DNAH6: variants seen among roughly 807,000 people sequenced by gnomAD.
The protein encoded by DNAH6 is dynein axonemal heavy chain 6, also known as axonemal beta dynein heavy chain 6.
Under a neutral mutation model 491.4 loss-of-function variants are expected in DNAH6, and 340 were observed. That is an observed-to-expected ratio of 0.69 (90% CI 0.63 to 0.76). DNAH6 has a LOEUF of 0.76. Ranked by LOEUF, DNAH6 falls within the 30% of genes least tolerant of loss-of-function variation. The pLI, the probability that DNAH6 is intolerant of heterozygous loss-of-function variation, is 0.00. For synonymous variants in DNAH6, 1,603 were observed against 1,686.1 expected (o/e 0.95, Z 1.21); for missense variants, 4,443 against 4,972.2 (o/e 0.89, Z 3.20).
intron 70 of DNAH6, 142 bp from the exon 71 acceptor site, chr2:84,805,523 T>G: frequency 1.4e-6 from 1 of 718,060 alleles, no homozygotes. Context: ...ATGTTAATTG[T>G]TCTTACCACA....
At chr2:84,493,428 G>T in the DNAH6 span, among the ~76,000 whole-genome samples, 1 of 152,052 alleles carries the variant, frequency 6.6e-6, no homozygotes, top group Non-Finnish European at 1.5e-5. Flanking sequence ...TCATAGTTTA[G>T]ATACTATATT....
the DNAH6 span, among the ~76,000 whole-genome samples, chr2:84,472,286 C>T: frequency 6.6e-6 from 1 of 151,630 alleles, no homozygotes; most frequent in Admixed American, 6.6e-5. Context: ...TATGGATTAC[C>T]CATAGTATGG....
At chr2:84,806,401 C>G (rs1479691312) in intron 71 of DNAH6, among the ~76,000 whole-genome samples, 6 of 152,118 alleles carry the variant, frequency 3.9e-5, no homozygotes, top group Non-Finnish European at 7.4e-5. Flanking sequence ...AGGCGGATCA[C>G]AAGGTCAGGA....
Position 84,688,421 on chromosome 2 carries a change from T to C in DNAH6, c.7138-18T>C. The C allele has an allele frequency of 6.8e-7, 1 of 1,474,508 alleles. No individual in the cohort carries two copies. Among genetic ancestry groups the C allele is most frequent in the Admixed American group, 3.2e-5 (1 of 31,580 alleles). 91.3% of individuals were successfully genotyped at this position (1,474,508 alleles called of 1,614,324 possible). On this transcript the variant is annotated intron_variant, in intron 44 of 76. Coordinates refer to ENST00000389394, the MANE Select transcript of DNAH6 (RefSeq NM_001370.2). ...TATCAGAATTGATCCAACTTGGTTC[T>C]TCTCCCATAAATTATAGTTTGGAGC...
chr2:84,534,930 GAAAT>G (rs930499919), intron 4 of DNAH6, among the ~76,000 whole-genome samples: 10 of 151,870 alleles, frequency 6.6e-5, no homozygotes, highest in Non-Finnish European at 1.2e-4. Flanking sequence ...TTTAGCATTA[GAAAT>G]AACATTTCTT....
At chr2:84,716,932 G>GT (rs1697591306) in intron 58 of DNAH6, among the ~76,000 whole-genome samples, 2 of 152,204 alleles carry the variant, frequency 1.3e-5, no homozygotes, top group African/African-American at 2.4e-5. Context: ...CCTCTGCTCT[G>GT]CTGAGCTCCT....
At chr2:84,605,742 T>C (rs1685695922) in intron 20 of DNAH6, 150 bp downstream of exon 20, 1 of 583,440 alleles carries the variant, frequency 1.7e-6, no homozygotes. Context: ...ATGCAAATAA[T>C]TGACGTGAAT....
chr2:84,556,110 C>T (rs1468605802), intron 10 of DNAH6, among the ~76,000 whole-genome samples: 1 of 152,186 alleles, frequency 6.6e-6, no homozygotes, highest in Non-Finnish European at 1.5e-5. Flanking sequence ...TGTTGATAAG[C>T]ATTCCAGGAG....
rs906649885 is a variant in DNAH6, at chr2:84,811,640, C to T, written c.11740-701C>T. On this transcript the variant is annotated intron_variant, in intron 72 of 76. Coordinates refer to ENST00000389394, the MANE Select transcript of DNAH6 (RefSeq NM_001370.2). ...TGTTGGGAGGCTAAGGTGGGCAGATCTCCTAAGGTCAGGAGTTCGAGACCA... is the reference window on the plus strand; with the variant it reads ...TGTTGGGAGGCTAAGGTGGGCAGATTTCCTAAGGTCAGGAGTTCGAGACCA... 5.3e-4 allele frequency among the ~76,000 whole-genome samples: 81 copies of T among 152,128 alleles called. 1 individual carries two copies. Among genetic ancestry groups the T allele is most frequent in the African/African-American group, 1.8e-3 (74 of 41,428 alleles).
chr2:84,570,838 C>T (rs1015938662), intron 11 of DNAH6, among the ~76,000 whole-genome samples: 1 of 152,216 alleles, frequency 6.6e-6, no homozygotes, highest in African/African-American at 2.4e-5. Context: ...GTTGCTGCTG[C>T]TCACTCTTGG....
chr2:84,463,555 G>A, the DNAH6 span, among the ~76,000 whole-genome samples: 4 of 152,104 alleles, frequency 2.6e-5, no homozygotes, highest in Non-Finnish European at 4.4e-5. Flanking sequence ...CTTCCAGAGC[G>A]TTTTTTGTGT....
chr2:84,613,137 G>A (rs1686493790), intron 22 of DNAH6, among the ~76,000 whole-genome samples: 2 of 151,180 alleles, frequency 1.3e-5, no homozygotes, highest in Admixed American at 1.3e-4. Context: ...TGGTGAGAGA[G>A]AGAGAGAGTG....
In DNAH6 at chr2:84,717,226, T is replaced by C. The variant is rs547191342; in HGVS notation, c.9612-978T>C. Among the ~76,000 whole-genome samples, 3 of 152,342 alleles carry C rather than the reference T, an allele frequency of 2.0e-5. No individual in the cohort carries two copies. In the South Asian group the frequency reaches 6.2e-4, roughly 32 times the overall value. On this transcript the variant is annotated intron_variant, in intron 58 of 76. Coordinates refer to ENST00000389394, the MANE Select transcript of DNAH6 (RefSeq NM_001370.2). ...TTGATTCTTAACTTGATTAATTTGA[T>C]TAATGTTTCTCTCAAGCTGTTTCCT...
chr2:84,599,261 C>T (rs1248334375), intron 18 of DNAH6, among the ~76,000 whole-genome samples: 2 of 151,764 alleles, frequency 1.3e-5, no homozygotes, highest in Non-Finnish European at 2.9e-5. Flanking sequence ...AAAATATTTT[C>T]TTCCAGTCAG....
At chr2:84,619,648 A>C (rs1255776821) in intron 23 of DNAH6, 37 bp from the exon 24 acceptor site, 14 of 1,522,414 alleles carry the variant, frequency 9.2e-6, no homozygotes, top group Non-Finnish European at 1.2e-5. Flanking sequence ...CTTTACTTCC[A>C]TTTCAAGTTA....
chr2:84,525,524 GA>G, intron 2 of DNAH6, 40 bp from the exon 3 acceptor site: 1 of 1,505,818 alleles, frequency 6.6e-7, no homozygotes, highest in Non-Finnish European at 8.9e-7. Context: ...AAGTTTATAC[GA>G]ATGTTAATAA....
intron 4 of DNAH6, among the ~76,000 whole-genome samples, chr2:84,540,043 TA>T (rs1678091896): frequency 6.6e-6 from 1 of 152,138 alleles, no homozygotes; most frequent in African/African-American, 2.4e-5. Flanking sequence ...CATAATACTT[TA>T]AAACCATGTA....
chr2:84,507,282 G>A, the DNAH6 span, among the ~76,000 whole-genome samples: 2 of 152,008 alleles, frequency 1.3e-5, no homozygotes, highest in Non-Finnish European at 2.9e-5. Context: ...GGTCCTTCAC[G>A]TCCCCTGTAA....
chr2:84,653,199 T>C (rs1378132495), intron 33 of DNAH6, 120 bp from the exon 34 acceptor site: 1 of 849,810 alleles, frequency 1.2e-6, no homozygotes. Flanking sequence ...ATACTGTACA[T>C]GTCAGAAGAG....
Sources: allele counts gnomAD v4.1 joint callset (sites outside exome capture counted in the v4.1 genomes callset), GRCh38; gene constraint gnomAD v4.1.1; transcripts MANE v1.5; gene names NCBI Gene and HGNC (gene_info 2026-07-23, HGNC 2026-07-21).